Variants in PPP4R4 observed in about 807,000 individuals in gnomAD.
PPP4R4 encodes serine/threonine-protein phosphatase 4 regulatory subunit 4.
PPP4R4 carries 70 observed loss-of-function variants against 121.8 expected under a neutral mutation model. The ratio of observed to expected loss-of-function variants is 0.57; its 90% CI spans 0.47 to 0.70. The LOEUF is 0.70. Ranked by LOEUF, PPP4R4 falls within the 30% of genes least tolerant of loss-of-function variation. The pLI is 0.00. For synonymous variants in PPP4R4, 348 were observed against 355.7 expected, an observed-to-expected ratio of 0.98 and a Z score of 0.24; for missense variants, 875 against 1,033.6, an observed-to-expected ratio of 0.85 and a Z score of 2.10.
At chr14:94,265,977 A>G in intron 22 of PPP4R4, 90 bp downstream of exon 22, 1 of 945,744 alleles carries the variant, frequency 1.1e-6, no homozygotes, top group African/African-American at 1.8e-5. Context: ...TAAAAATCAG[A>G]ATTAATTTTG....
chr14:94,200,126 AT>A (rs2139427482), intron 2 of PPP4R4, among the ~76,000 whole-genome samples: 1 of 152,242 alleles, frequency 6.6e-6, no homozygotes, highest in South Asian at 2.1e-4. Flanking sequence ...TACTTTTAAA[AT>A]TATAATTTAT....
chr14:94,232,768 G>A (rs1217185333), intron 5 of PPP4R4, among the ~76,000 whole-genome samples: 2 of 152,046 alleles, frequency 1.3e-5, no homozygotes, highest in East Asian at 1.9e-4. Flanking sequence ...TAGAAATAGC[G>A]AGATTATGGG....
chr14:94,200,561 G>A (rs1890117577), intron 2 of PPP4R4, among the ~76,000 whole-genome samples: 1 of 152,176 alleles, frequency 6.6e-6, no homozygotes, highest in South Asian at 2.1e-4. Context: ...GTTTAATCTA[G>A]GAGGGTTGTA....
At chr14:94,277,035 A>G (rs1360200710) in intron 24 of PPP4R4, among the ~76,000 whole-genome samples, 4 of 152,184 alleles carry the variant, frequency 2.6e-5, no homozygotes, top group Non-Finnish European at 4.4e-5. Flanking sequence ...GCAGTGGCTC[A>G]CGCCTGTAAT....
In PPP4R4 at chr14:94,278,813, A is replaced by G; in HGVS notation, c.*170A>G. 2.1e-6 allele frequency: 1 copy of G among 477,576 alleles called. No individual in the cohort carries two copies. Among genetic ancestry groups the G allele is most frequent in the South Asian group, 5.5e-5 (1 of 18,100 alleles). The allele number at this position is 477,576 out of a possible 1,614,324, so 29.6% of individuals were successfully genotyped here. On this transcript the variant is annotated 3_prime_UTR_variant, in exon 25 of 25. Coordinates refer to ENST00000304338, the MANE Select transcript of PPP4R4 (RefSeq NM_058237.2). The stretch of plus-strand genomic sequence containing the variant: ...AATGACAGCTGATGTTAAACTTTTC[A>G]TATTTCAAATTAGATTCCCTAGGAG...
At chr14:94,268,688 A>C (rs528199408) in intron 23 of PPP4R4, among the ~76,000 whole-genome samples, 12 of 152,310 alleles carry the variant, frequency 7.9e-5, no homozygotes, top group African/African-American at 2.6e-4. Flanking sequence ...AAGGGAAAGC[A>C]AGACGTGTCT....
intron 15 of PPP4R4, 50 bp from the exon 16 acceptor site, chr14:94,251,699 A>G (rs779834646): frequency 7.1e-7 from 1 of 1,409,684 alleles, no homozygotes; most frequent in Admixed American, 2.5e-5. Context: ...TGTCACTTTA[A>G]TTTCATATAG....
At chr14:94,210,232 CA>C (rs1354480480) in intron 3 of PPP4R4, among the ~76,000 whole-genome samples, 1 of 149,984 alleles carries the variant, frequency 6.7e-6, no homozygotes, top group Non-Finnish European at 1.5e-5. Flanking sequence ...TACAAAGAAT[CA>C]AATGTATCAT....
chr14:94,187,010 A>T (rs547557713), intron 2 of PPP4R4, among the ~76,000 whole-genome samples: 8 of 152,248 alleles, frequency 5.3e-5, no homozygotes, highest in African/African-American at 1.7e-4. Flanking sequence ...TGTAATGTTT[A>T]TTCTTTGAAA....
In PPP4R4 at chr14:94,246,522, A is replaced by T; in HGVS notation, c.1594A>T (p.Thr532Ser). Reference protein sequence around the residue: ...IYYRFLQRMFTIMMTNNVLPV... With the variant: ...IYYRFLQRMFSIMMTNNVLPV... ...TTACCGTTTCTTACAAAGAATGTTC[A>T]CAATCATGATGACAAATGTGAGCTC... Residue 532 changes from threonine to serine, a missense_variant, in exon 14 of 25, where the codon ACA (threonine) becomes TCA (serine). Coordinates refer to ENST00000304338, the MANE Select transcript of PPP4R4 (RefSeq NM_058237.2). 1 of 1,613,106 alleles carries T rather than the reference A, an allele frequency of 6.2e-7. No individual in the cohort carries two copies. The highest frequency in any genetic ancestry group is 2.2e-5 in the East Asian group (1 of 44,880).
At chr14:94,272,113 G>A (rs1330671400) in intron 23 of PPP4R4, among the ~76,000 whole-genome samples, 1 of 152,164 alleles carries the variant, frequency 6.6e-6, no homozygotes, top group Non-Finnish European at 1.5e-5. Context: ...ACTAAATGCA[G>A]TCTCAGTCAA....
At chr14:94,233,519 G>T in intron 5 of PPP4R4, 134 bp from the exon 6 acceptor site, 1 of 607,866 alleles carries the variant, frequency 1.6e-6, no homozygotes, top group Non-Finnish European at 2.9e-6. Context: ...AAGTTATTGA[G>T]TCATGAACCT....
intron 2 of PPP4R4, among the ~76,000 whole-genome samples, chr14:94,182,006 T>TGCAA (rs1889018370): frequency 6.6e-6 from 1 of 152,198 alleles, no homozygotes; most frequent in Non-Finnish European, 1.5e-5. Flanking sequence ...AGCTTGCAGT[T>TGCAA]GCAAGGGAGT....
At chr14:94,249,187 G>A (rs1956164) in intron 14 of PPP4R4, among the ~76,000 whole-genome samples, 80,447 of 151,698 alleles carry the variant, frequency 0.53, 23,356 homozygotes, top group African/African-American at 0.77. Flanking sequence ...ATATGCTTTT[G>A]TTTAGTTCAC....
At chr14:94,235,203 G>GA (rs1246857311) in intron 7 of PPP4R4, among the ~76,000 whole-genome samples, 1 of 151,918 alleles carries the variant, frequency 6.6e-6, no homozygotes, top group African/African-American at 2.4e-5. Flanking sequence ...ATATTGACAA[G>GA]AAAAAAGTCT....
At chr14:94,221,489 A>G (rs907498921) in intron 3 of PPP4R4, among the ~76,000 whole-genome samples, 3 of 152,122 alleles carry the variant, frequency 2.0e-5, no homozygotes, top group African/African-American at 7.2e-5. Context: ...AGAACTTCTC[A>G]AAACACAATA....
intron 3 of PPP4R4, among the ~76,000 whole-genome samples, chr14:94,211,103 CTCAT>C (rs1442307750): frequency 6.6e-6 from 1 of 152,134 alleles, no homozygotes; most frequent in Admixed American, 6.5e-5. Flanking sequence ...TAATGGCATT[CTCAT>C]TCATTCATAA....
At chr14:94,255,490 A>C (rs751005518) in intron 16 of PPP4R4, among the ~76,000 whole-genome samples, 3 of 151,848 alleles carry the variant, frequency 2.0e-5, no homozygotes, top group Non-Finnish European at 4.4e-5. Context: ...AGTCCCAGCT[A>C]CTCGGGAGGC....
chr14:94,214,613 A>AT (rs1169042377), intron 3 of PPP4R4, among the ~76,000 whole-genome samples: 1 of 152,104 alleles, frequency 6.6e-6, no homozygotes, highest in Non-Finnish European at 1.5e-5. Flanking sequence ...ATATGGGTAG[A>AT]TTTTTTTAAC....
Sources: allele counts gnomAD v4.1 joint callset (sites outside exome capture counted in the v4.1 genomes callset), GRCh38; gene constraint gnomAD v4.1.1; transcripts MANE v1.5; gene names NCBI Gene and HGNC (gene_info 2026-07-23, HGNC 2026-07-21).